Variants in PGAP1 observed in about 807,000 individuals in gnomAD.
The protein encoded by PGAP1 is GPI inositol-deacylase.
A neutral mutation model predicts 127.0 loss-of-function variants in PGAP1; 76 were observed. The observed-to-expected ratio is 0.60, with a 90% CI of 0.50 to 0.72. The LOEUF (loss-of-function observed/expected upper bound fraction) is 0.72, where lower values mean the gene tolerates loss of function less well. PGAP1 is among the 30% of genes least tolerant of loss of function. The pLI, the probability that PGAP1 is intolerant of heterozygous loss-of-function variation, is 0.00. For synonymous variants in PGAP1, 362 were observed against 366.5 expected (o/e 0.99, Z 0.14); for missense variants, 982 against 1,071.3 (o/e 0.92, Z 1.16).
intron 20 of PGAP1, 40 bp from the exon 21 acceptor site, chr2:196,848,077 T>A (rs1700610464): frequency 1.4e-6 from 2 of 1,408,538 alleles, no homozygotes; most frequent in Non-Finnish European, 2.0e-6. Flanking sequence ...TTACAGTAAT[T>A]AAGTATGAGA....
chr2:196,835,812 T>C lies in PGAP1; in HGVS notation c.*5422A>G, dbSNP rs1263116063. 6.6e-6 allele frequency: 1 copy of C among 151,990 alleles called. No homozygotes were observed. Among genetic ancestry groups the C allele is most frequent in the Non-Finnish European group, 1.5e-5 (1 of 67,768 alleles). The allele number at this position is 151,990 out of a possible 1,614,324, so 9.4% of individuals were successfully genotyped here. A position where few individuals can be genotyped will look rare whatever the true frequency, so the allele number is the denominator to read the frequency against. Reference sequence around the variant, plus strand: ...GCTAAAGAGAATTCAAATGTGTCTCTTTTTTTTGCTAAAAAAGGGATGTAA... The same window carrying C: ...GCTAAAGAGAATTCAAATGTGTCTCCTTTTTTTGCTAAAAAAGGGATGTAA... On this transcript the variant is annotated 3_prime_UTR_variant, in exon 27 of 27. Transcript: ENST00000354764.
chr2:196,864,567 T>C (rs1701177079), intron 20 of PGAP1, among the ~76,000 whole-genome samples: 1 of 152,102 alleles, frequency 6.6e-6, no homozygotes, highest in Non-Finnish European at 1.5e-5. Context: ...AAAAAATGAC[T>C]TAATCTGGTT....
Position 196,844,555 on chromosome 2 carries a change from C to A in PGAP1, c.2306G>T (p.Ser769Ile). 1 of 1,596,204 alleles carries A rather than the reference C, an allele frequency of 6.3e-7. No individual in the cohort carries two copies. The highest frequency in any genetic ancestry group is 1.2e-5 in the South Asian group (1 of 86,468). The change falls in exon 24 of 27, where the codon AGC (serine) becomes ATC (isoleucine). Residue 769 changes from serine (S) to isoleucine (I), a missense_variant. Coordinates refer to ENST00000354764, the MANE Select transcript of PGAP1 (RefSeq NM_024989.4). ...CTGGCTATTCTTAAAAGTTGTTAAG[C>A]TGGCTTGCAGATGAACAACCTAAGA... is the stretch of plus-strand genomic sequence containing the variant. Reference protein sequence around the residue: ...YVFKVVHLQASLTTFKNSQPV... With the variant: ...YVFKVVHLQAILTTFKNSQPV...
chr2:196,838,149 T>C lies in PGAP1; in HGVS notation c.*3085A>G, dbSNP rs1482796830. The stretch of plus-strand genomic sequence containing the variant: ...TTAGAAATACTAAATGTTCCCAGTG[T>C]TTTCCTCTGTACAGACTATATTTGA... On this transcript the variant is annotated 3_prime_UTR_variant, in exon 27 of 27. Coordinates refer to ENST00000354764, the MANE Select transcript of PGAP1 (RefSeq NM_024989.4). The C allele has an allele frequency of 6.6e-6, 1 of 152,234 alleles. No homozygotes were observed. The highest frequency in any genetic ancestry group is 2.4e-5 in the African/African-American group (1 of 41,466). 9.4% of individuals were successfully genotyped at this position (152,234 alleles called of 1,614,324 possible).
At chr2:196,875,584 G>A (rs1482952129) in intron 14 of PGAP1, among the ~76,000 whole-genome samples, 162 bp downstream of exon 14, 2 of 152,120 alleles carry the variant, frequency 1.3e-5, no homozygotes, top group Non-Finnish European at 2.9e-5. Flanking sequence ...CTCAGAATAT[G>A]ACTGCTAGCC....
chr2:196,901,186 T>C (rs2125826340), intron 5 of PGAP1, among the ~76,000 whole-genome samples: 1 of 152,352 alleles, frequency 6.6e-6, no homozygotes, highest in South Asian at 2.1e-4. Context: ...CCAACAAATA[T>C]CTGACCAAAA....
At chr2:196,862,739 C>T (rs370828827) in intron 20 of PGAP1, among the ~76,000 whole-genome samples, 63 of 152,236 alleles carry the variant, frequency 4.1e-4, no homozygotes, top group African/African-American at 1.4e-3. Context: ...GGCAGGTTCC[C>T]TGATACCTGT....
intron 20 of PGAP1, among the ~76,000 whole-genome samples, chr2:196,863,826 G>A (rs927536828): frequency 8.6e-5 from 13 of 151,888 alleles, no homozygotes; most frequent in South Asian, 2.1e-4. Flanking sequence ...TGATCCGCCC[G>A]CCTCGGCCTC....
chr2:196,854,052 A>G (rs1700798821), intron 20 of PGAP1, among the ~76,000 whole-genome samples: 1 of 151,614 alleles, frequency 6.6e-6, no homozygotes, highest in East Asian at 1.9e-4. Context: ...ACGCCACCAC[A>G]TATGGCTAAT....
At chr2:196,873,858 A>G in intron 14 of PGAP1, 100 bp from the exon 15 acceptor site, 1 of 798,056 alleles carries the variant, frequency 1.3e-6, no homozygotes, top group Non-Finnish European at 2.1e-6. Flanking sequence ...ATAATTAAAA[A>G]TTTATTTACA....
chr2:196,846,025 T>G lies in PGAP1; in HGVS notation c.2151-8A>C. ...TTAGGAAGTTCAGAGGGTCTGGAAT[T>G]ATAAGAATAAAGTTTAAAATATATA... On this transcript the variant is annotated splice_polypyrimidine_tract_variant and splice_region_variant and intron_variant, in intron 22 of 26. Transcript: ENST00000354764. 1.3e-6 allele frequency: 2 copies of G among 1,537,168 alleles called. No individual in the cohort carries two copies.
At position 196,912,580 on chromosome 2, in the gene PGAP1, TAA is replaced by T. The variant is rs531959600; in HGVS notation, c.649+300_649+301del. Reference sequence around the variant, plus strand: ...GGGAGAAAGAGCAAGACCCTGTCTTTAAAAAAAAAAAAAAAAAAAAAAAAAAA... The same window carrying T: ...GGGAGAAAGAGCAAGACCCTGTCTTTAAAAAAAAAAAAAAAAAAAAAAAAA... On this transcript the variant is annotated intron_variant, in intron 4 of 26. Coordinates refer to ENST00000354764, the MANE Select transcript of PGAP1 (RefSeq NM_024989.4). Among the ~76,000 whole-genome samples the T allele has an allele frequency of 8.5e-5, 7 of 82,472 alleles. 1 individual carries two copies. The highest frequency in any genetic ancestry group is 5.9e-4 in the Admixed American group (4 of 6,808). The allele number at this position is 82,472 out of a possible 152,430, so 54.1% of individuals were successfully genotyped here. A position where few individuals can be genotyped will look rare whatever the true frequency, so the allele number is the denominator to read the frequency against.
chr2:196,904,534 G>C (rs954078662), intron 4 of PGAP1, among the ~76,000 whole-genome samples: 16 of 152,096 alleles, frequency 1.1e-4, no homozygotes, highest in Non-Finnish European at 2.2e-4. Flanking sequence ...TCAAGAGATC[G>C]AGACCATCCT....
At chr2:196,870,241 AT>A (rs1304753888) in intron 19 of PGAP1, among the ~76,000 whole-genome samples, 1 of 151,292 alleles carries the variant, frequency 6.6e-6, no homozygotes, top group Non-Finnish European at 1.5e-5. Context: ...TACATATTTT[AT>A]TGTACTATGA....
At chr2:196,911,470 G>T (rs1250776124) in intron 4 of PGAP1, among the ~76,000 whole-genome samples, 8 of 85,950 alleles carry the variant, frequency 9.3e-5, no homozygotes, top group Middle Eastern at 4.3e-3. Flanking sequence ...GTCGGGGGAG[G>T]GGGGAGGGAT....
chr2:196,914,753 A>G (rs997132110), intron 3 of PGAP1, among the ~76,000 whole-genome samples: 5 of 151,956 alleles, frequency 3.3e-5, no homozygotes, highest in African/African-American at 4.8e-5. Context: ...TTTCACCCCA[A>G]CATGCCACCA....
rs935685745 is a variant in PGAP1 at position 196,837,467 on chromosome 2, A to C, written c.*3767T>G. ...ACAAACTGAAACCTCGTCTCTACAA[A>C]AAAATTAAAAAGTCAGGCACAGTGG... On this transcript the variant is annotated 3_prime_UTR_variant, in exon 27 of 27. Transcript: ENST00000354764. 2.0e-5 allele frequency: 3 copies of C among 152,212 alleles called. No individual in the cohort carries two copies. The highest frequency in any genetic ancestry group is 4.4e-5 in the Non-Finnish European group (3 of 68,074). The allele number at this position is 152,212 out of a possible 1,614,324, so 9.4% of individuals were successfully genotyped here. A position where few individuals can be genotyped will look rare whatever the true frequency, so the allele number is the denominator to read the frequency against.
At chr2:196,870,214 A>G (rs1053550339) in intron 19 of PGAP1, among the ~76,000 whole-genome samples, 2 of 152,146 alleles carry the variant, frequency 1.3e-5, no homozygotes, top group African/African-American at 2.4e-5. Context: ...GAAAACATTC[A>G]TTTATATGGC....
chr2:196,923,237 TATAA>T (rs1703264335), intron 1 of PGAP1, among the ~76,000 whole-genome samples: 1 of 152,178 alleles, frequency 6.6e-6, no homozygotes. Flanking sequence ...GATAATATAT[TATAA>T]ATACTGTTCA....
Sources: gnomAD v4.1 joint callset for allele counts (sites outside exome capture counted in the v4.1 genomes callset) on GRCh38, gnomAD v4.1.1 for gene constraint, MANE v1.5 for transcripts, NCBI Gene and HGNC (gene_info 2026-07-23, HGNC 2026-07-21) for gene names.